Variants in RFLNA observed in about 807,000 individuals in gnomAD.
The protein encoded by RFLNA is refilin A.
Under a neutral mutation model 7.8 loss-of-function variants are expected in RFLNA, and 5 were observed. The ratio of observed to expected loss-of-function variants is 0.64; its 90% confidence interval spans 0.34 to 1.35. The LOEUF (loss-of-function observed/expected upper bound fraction) is 1.35. RFLNA is among the 40% of genes most tolerant of loss of function. The probability of loss-of-function intolerance (pLI) is 0.04; values close to 1 mark genes in which losing one functional copy is unlikely to be tolerated. For missense variants in RFLNA, 278 were observed against 305.5 expected, an observed-to-expected ratio of 0.91 and a Z score of 0.67; for synonymous variants, 141 against 131.3, an observed-to-expected ratio of 1.07 and a Z score of -0.50.
chr12:124,298,320 T>G (rs2033967676), intron 1 of RFLNA, among the ~76,000 whole-genome samples: 1 of 152,026 alleles, frequency 6.6e-6, no homozygotes, highest in Admixed American at 6.5e-5. Flanking sequence ...TTGAATAAGC[T>G]GGACTTGCCT....
At chr12:124,313,325 T>C (rs1021239670) in intron 2 of RFLNA, among the ~76,000 whole-genome samples, 10 of 152,188 alleles carry the variant, frequency 6.6e-5, no homozygotes, top group Admixed American at 2.6e-4. Flanking sequence ...AGTCGGTCAC[T>C]CCTCCAAGGG....
intron 1 of RFLNA, among the ~76,000 whole-genome samples, chr12:124,309,395 G>C (rs555304307): frequency 1.3e-5 from 2 of 152,322 alleles, no homozygotes; most frequent in East Asian, 3.9e-4. Context: ...ACGAGGCCAG[G>C]AGAGCCTCTG....
Position 124,314,866 on chromosome 12 carries a change from C to A in RFLNA, c.*341C>A, listed in dbSNP as rs1451336968. ...GGAGTGCCCTTGAAGCAGAGAACAG[C>A]CCCGAGCAGTGTGAGGACAGAGGCA... On this transcript the variant is annotated 3_prime_UTR_variant, in exon 3 of 3. Coordinates refer to ENST00000546355, the MANE Select transcript of RFLNA (RefSeq NM_001365156.1). 2.8e-5 allele frequency: 13 copies of A among 457,284 alleles called. No homozygotes were observed. The highest frequency in any genetic ancestry group is 1.7e-5 in the Non-Finnish European group (4 of 234,970). 28.3% of individuals were successfully genotyped at this position (457,284 alleles called of 1,614,324 possible). A position where few individuals can be genotyped will look rare whatever the true frequency, so the allele number is the denominator to read the frequency against.
intron 1 of RFLNA, among the ~76,000 whole-genome samples, chr12:124,310,194 A>AAAAAAAAAAAAAAAAAAC (rs2034216145): frequency 6.8e-6 from 1 of 146,898 alleles, no homozygotes; most frequent in Non-Finnish European, 1.5e-5. Flanking sequence ...AAAAAAAAAA[A>AAAAAAAAAAAAAAAAAAC]AAGCCTTTAG....
At chr12:124,299,448 C>T (rs1389654738) in intron 1 of RFLNA, among the ~76,000 whole-genome samples, 2 of 152,188 alleles carry the variant, frequency 1.3e-5, no homozygotes, top group East Asian at 1.9e-4. Context: ...TTTTGGTGCA[C>T]CCACCACCCA....
chr12:124,290,862 C>T (rs1458910931), upstream of RFLNA, among the ~76,000 whole-genome samples: 4 of 152,190 alleles, frequency 2.6e-5, no homozygotes, highest in Admixed American at 2.6e-4. This position sits in a 1 kb window ranked among gnomAD's most constrained non-coding sequence, Gnocchi z 4.0. Context: ...ACAGAAAGGG[C>T]AGGCCAATTG....
At chr12:124,313,658 G>A (rs886327635) in intron 2 of RFLNA, among the ~76,000 whole-genome samples, 2 of 146,666 alleles carry the variant, frequency 1.4e-5, no homozygotes, top group Non-Finnish European at 3.0e-5. Context: ...CAGCCTGGGT[G>A]ACAGAGCGAG....
chr12:124,290,391 T>C (rs548116142), upstream of RFLNA, among the ~76,000 whole-genome samples: 1 of 152,018 alleles, frequency 6.6e-6, no homozygotes, highest in African/African-American at 2.4e-5. The surrounding 1 kb of genome is among the most constrained non-coding windows in gnomAD (Gnocchi z 4.0). Flanking sequence ...TATGTGTGCA[T>C]ATGTGTTTAC....
chr12:124,314,240 G>T lies in RFLNA; in HGVS notation c.366G>T (p.Lys122Asn), dbSNP rs1195659986. 6.2e-7 allele frequency: 1 copy of T among 1,613,544 alleles called. No individual in the cohort carries two copies. Among genetic ancestry groups the T allele is most frequent in the South Asian group, 1.1e-5 (1 of 91,076 alleles). ...CCTCGGAGAAGCATTTCCAGGACAAGGTCTTCTATGCGCCCGTACCCACCG... is the reference window on the plus strand; with the variant it reads ...CCTCGGAGAAGCATTTCCAGGACAATGTCTTCTATGCGCCCGTACCCACCG... ...KYASEKHFQD[K>N]VFYAPVPTVT... is the part of the protein sequence containing the mutation. The change falls in exon 3 of 3, where the codon AAG (lysine) becomes AAT (asparagine). Residue 122 changes from lysine to asparagine, a missense_variant. Lys to Asn is a moderately conservative substitution (Grantham distance 94). Transcript: ENST00000546355.
chr12:124,309,343 G>C (rs1320923622), intron 1 of RFLNA, among the ~76,000 whole-genome samples: 2 of 152,220 alleles, frequency 1.3e-5, no homozygotes, highest in African/African-American at 4.8e-5. Flanking sequence ...CCACTGGTGG[G>C]ACACTGGTGG....
intron 1 of RFLNA, among the ~76,000 whole-genome samples, chr12:124,305,091 C>CACT (rs1258214894): frequency 6.6e-6 from 1 of 152,200 alleles, no homozygotes; most frequent in Non-Finnish European, 1.5e-5. Context: ...CCTGTCTTGT[C>CACT]ACTGCCTTGT....
chr12:124,298,962 A>G (rs1371617773), intron 1 of RFLNA, among the ~76,000 whole-genome samples: 1 of 152,250 alleles, frequency 6.6e-6, no homozygotes, highest in African/African-American at 2.4e-5. Context: ...CATGTAACCA[A>G]ATGCCTTGAG....
chr12:124,296,388 G>C (rs969276837), intron 1 of RFLNA, among the ~76,000 whole-genome samples: 2 of 151,130 alleles, frequency 1.3e-5, no homozygotes, highest in Non-Finnish European at 2.9e-5. Flanking sequence ...CGCCTTGCCT[G>C]AGACTGGGCA....
intron 1 of RFLNA, among the ~76,000 whole-genome samples, chr12:124,302,964 C>T (rs2034071297): frequency 6.6e-6 from 1 of 152,174 alleles, no homozygotes; most frequent in Non-Finnish European, 1.5e-5. Flanking sequence ...ATCCTGCTGT[C>T]TCCAGGAGCA....
chr12:124,311,706 TCCAGACCAAGCCAGGG>T, intron 1 of RFLNA, 96 bp from the exon 2 acceptor site: 3 of 1,073,126 alleles, frequency 2.8e-6, no homozygotes, highest in Non-Finnish European at 3.8e-6. Context: ...CCAAGCAGCT[TCCAGACCAAGCCAGGG>T]CCAGAGGGTG....
intron 2 of RFLNA, 103 bp downstream of exon 2, chr12:124,312,030 G>A (rs1415780415): frequency 1.5e-6 from 2 of 1,330,330 alleles, no homozygotes; most frequent in East Asian, 6.0e-5. Context: ...CAAGCTGGGG[G>A]CTCAGGAGGC....
chr12:124,295,474 G>A lies in RFLNA; in HGVS notation c.45G>A (p.Lys15=). 7.9e-7 allele frequency: 1 copy of A among 1,272,624 alleles called. No individual in the cohort carries two copies. The highest frequency in any genetic ancestry group is 9.9e-7 in the Non-Finnish European group (1 of 1,012,110). The allele number at this position is 1,272,624 out of a possible 1,614,324, so 78.8% of individuals were successfully genotyped here. ...TGCAGGGCATGGAGGACAGCCTGAA[G>A]GAGCAGGGCCGGGAGGGCTTGCTGG... The part of the protein sequence containing the change: ...LHLQGMEDSL[K]EQGREGLLDS... Residue 15 remains lysine, a synonymous_variant, in exon 1 of 3, where the codon AAG becomes AAA. Transcript: ENST00000546355.
intron 2 of RFLNA, 151 bp downstream of exon 2, chr12:124,312,078 C>G (rs2034255648): frequency 1.0e-6 from 1 of 969,584 alleles, no homozygotes; most frequent in Admixed American, 3.8e-5. Context: ...GTGCTGCTTC[C>G]TGGGGAGTTT....
intron 1 of RFLNA, among the ~76,000 whole-genome samples, chr12:124,302,786 G>GGGGCCGAGGTCA (rs2034061293): frequency 1.8e-4 from 6 of 33,022 alleles, no homozygotes; most frequent in South Asian, 9.7e-4. Context: ...GCCGAGGTCA[G>GGGGCCGAGGTCA]GGGGCCGAGG....
Sources: allele counts gnomAD v4.1 joint callset (sites outside exome capture counted in the v4.1 genomes callset), GRCh38; gene constraint gnomAD v4.1.1; non-coding constraint Gnocchi (gnomAD v3.1); transcripts MANE v1.5; gene names NCBI Gene and HGNC (gene_info 2026-07-23, HGNC 2026-07-21).